The following ICAM1 variants were observed in gnomAD, a reference collection of about 807,000 sequenced individuals.
ICAM1 encodes the protein ICAM-1.
Under a neutral mutation model 42.3 loss-of-function variants are expected in ICAM1, and 28 were observed. The ratio of observed to expected loss-of-function variants is 0.66; its 90% CI spans 0.49 to 0.91. The LOEUF (loss-of-function observed/expected upper bound fraction) is 0.91, where lower values mean the gene tolerates loss of function less well. Among genes scored for constraint, ICAM1 ranks in the 40% least tolerant of loss-of-function variants. The pLI is 0.00. For synonymous variants in ICAM1, 304 were observed against 305.9 expected (o/e 0.99, Z 0.07); for missense variants, 637 against 688.6 (o/e 0.93, Z 0.84).
rs781639267 is a variant in ICAM1 at position 10,285,316 on chromosome 19, G to A, written c.*29G>A. 13 of 1,605,140 alleles carry A rather than the reference G, an allele frequency of 8.1e-6. No homozygotes were observed. Among genetic ancestry groups the A allele is most frequent in the East Asian group, 4.5e-5 (2 of 44,742 alleles). On this transcript the variant is annotated 3_prime_UTR_variant, in exon 7 of 7. Coordinates refer to ENST00000264832, the MANE Select transcript of ICAM1 (RefSeq NM_000201.3). The stretch of plus-strand genomic sequence containing the variant: ...TATCCCGGGACAGGGCCTCTTCCTC[G>A]GCCTTCCCATATTGGTGGCAGTGGT...
chr19:10,284,343 T>G lies in ICAM1; in HGVS notation c.925+23T>G. 1 of 1,609,738 alleles carries G rather than the reference T, an allele frequency of 6.2e-7. No individual in the cohort carries two copies. Among genetic ancestry groups the G allele is most frequent in the Non-Finnish European group, 8.5e-7 (1 of 1,178,536 alleles). On this transcript the variant is annotated intron_variant, in intron 4 of 6. Coordinates refer to ENST00000264832, the MANE Select transcript of ICAM1 (RefSeq NM_000201.3). The surrounding 1 kb of genome is among the most constrained non-coding windows in gnomAD (Gnocchi z 5.4). ...ACAGTAAGAAGGGGCAGGGGCGGAG[T>G]GGGGCTTCTTGGGGGTGTGACCTGA...
intron 1 of ICAM1, among the ~76,000 whole-genome samples, chr19:10,272,560 C>CTTTTTTTTTTTT (rs1174775027): frequency 3.0e-4 from 17 of 56,132 alleles, no homozygotes; most frequent in African/African-American, 8.8e-4. Flanking sequence ...CTTTTCTTTT[C>CTTTTTTTTTTTT]TTTTTTTTTT....
chr19:10,277,765 C>T (rs934744794), intron 2 of ICAM1, among the ~76,000 whole-genome samples: 1 of 152,210 alleles, frequency 6.6e-6, no homozygotes, highest in African/African-American at 2.4e-5. Context: ...GGATTACAGG[C>T]GTGAGCCACT....
chr19:10,283,674 G>A lies in ICAM1; in HGVS notation c.525G>A (p.Val175=). The A allele has an allele frequency of 2.5e-6, 4 of 1,613,988 alleles. No homozygotes were observed. Among genetic ancestry groups the A allele is most frequent in the Non-Finnish European group, 3.4e-6 (4 of 1,179,950 alleles). The change falls in exon 3 of 7, where the codon GTG becomes GTA. Residue 175 remains valine, a synonymous_variant. Coordinates refer to ENST00000264832, the MANE Select transcript of ICAM1 (RefSeq NM_000201.3). ...EPAEVTTTVL[V]RRDHHGANFS... is the part of the protein sequence containing the mutation. ...CTGAGGTCACGACCACGGTGCTGGT[G>A]AGGAGAGATCACCATGGAGCCAATT... is the stretch of plus-strand genomic sequence containing the variant.
rs954891297 is a variant in ICAM1 at position 10,271,204 on chromosome 19, C to A, written c.45C>A (p.Val15=). Reference sequence around the variant, plus strand: ...GGCCCGCGCTGCCCGCACTCCTGGTCCTGCTCGGGGCTCTGTTCCCAGGTG... The same window carrying A: ...GGCCCGCGCTGCCCGCACTCCTGGTACTGCTCGGGGCTCTGTTCCCAGGTG... ...SPRPALPALL[V]LLGALFPGPG... Residue 15 remains valine, a synonymous_variant, in exon 1 of 7, where the codon GTC becomes GTA. Transcript: ENST00000264832. 2 of 1,613,434 alleles carry A rather than the reference C, an allele frequency of 1.2e-6. No homozygotes were observed. Among genetic ancestry groups the A allele is most frequent in the African/African-American group, 2.7e-5 (2 of 75,054 alleles).
At position 10,284,092 on chromosome 19, in the gene ICAM1, G is replaced by A. The variant is rs755002696; in HGVS notation, c.697G>A (p.Gly233Arg). Reference sequence around the variant, plus strand: ...CCGGGTCCTAGAGGTGGACACGCAGGGGACCGTGGTCTGTTCCCTGGACGG... The same window carrying A: ...CCGGGTCCTAGAGGTGGACACGCAGAGGACCGTGGTCTGTTCCCTGGACGG... ...SPRVLEVDTQ[G>R]TVVCSLDGLF... The change falls in exon 4 of 7, where the codon GGG becomes AGG. Residue 233 changes from glycine to arginine, a missense_variant. Physicochemically the swap from Gly to Arg is moderately radical, Grantham distance 125. Transcript: ENST00000264832. The surrounding 1 kb of genome is among the most constrained non-coding windows in gnomAD (Gnocchi z 5.4). 2 of 1,614,036 alleles carry A rather than the reference G, an allele frequency of 1.2e-6. No homozygotes were observed. Among genetic ancestry groups the A allele is most frequent in the South Asian group, 1.1e-5 (1 of 91,078 alleles).
intron 2 of ICAM1, among the ~76,000 whole-genome samples, chr19:10,279,824 C>T (rs773946339): frequency 6.6e-6 from 1 of 151,404 alleles, no homozygotes. Context: ...ATGATTGCAC[C>T]ACTGCATTCC....
intron 2 of ICAM1, among the ~76,000 whole-genome samples, chr19:10,276,397 T>C (rs1014627504): frequency 3.3e-5 from 5 of 149,864 alleles, no homozygotes; most frequent in Non-Finnish European, 5.9e-5. Context: ...TACAAAAAAT[T>C]AGCCGGGCAT....
chr19:10,281,706 C>A (rs1041113545), intron 2 of ICAM1, among the ~76,000 whole-genome samples: 1 of 149,658 alleles, frequency 6.7e-6, no homozygotes, highest in African/African-American at 2.5e-5. Flanking sequence ...ATGCAGGACC[C>A]CCCCGGTCCT....
intron 2 of ICAM1, among the ~76,000 whole-genome samples, chr19:10,279,457 A>C (rs2040040295): frequency 6.6e-6 from 1 of 152,052 alleles, no homozygotes; most frequent in Non-Finnish European, 1.5e-5. Flanking sequence ...TGGGAGGATC[A>C]CTTGAACCCA....
chr19:10,280,718 C>T (rs1599268150), intron 2 of ICAM1, among the ~76,000 whole-genome samples: 1 of 151,812 alleles, frequency 6.6e-6, no homozygotes, highest in Non-Finnish European at 1.5e-5. Flanking sequence ...TACAGGCATG[C>T]GACACCACAC....
At position 10,271,204 on chromosome 19, in the gene ICAM1, C is replaced by T. The variant is rs954891297; in HGVS notation, c.45C>T (p.Val15=). 2.5e-6 allele frequency: 4 copies of T among 1,613,316 alleles called. No homozygotes were observed. The highest frequency in any genetic ancestry group is 3.4e-6 in the Non-Finnish European group (4 of 1,179,868). The change falls in exon 1 of 7, where the codon GTC becomes GTT. Residue 15 remains valine, a synonymous_variant. Transcript: ENST00000264832. ...GGCCCGCGCTGCCCGCACTCCTGGTCCTGCTCGGGGCTCTGTTCCCAGGTG... is the reference window on the plus strand; with the variant it reads ...GGCCCGCGCTGCCCGCACTCCTGGTTCTGCTCGGGGCTCTGTTCCCAGGTG... The part of the protein sequence containing the change: ...SPRPALPALL[V]LLGALFPGPG...
intron 2 of ICAM1, among the ~76,000 whole-genome samples, chr19:10,281,153 G>A (rs77924689): frequency 7.9e-5 from 12 of 151,636 alleles, no homozygotes; most frequent in East Asian, 1.9e-4. Flanking sequence ...GATTACAGGC[G>A]TGAGCCACCA....
At chr19:10,279,609 G>A (rs561133239) in intron 2 of ICAM1, among the ~76,000 whole-genome samples, 7 of 151,912 alleles carry the variant, frequency 4.6e-5, no homozygotes, top group Admixed American at 2.6e-4. Flanking sequence ...TGAGCCTCCC[G>A]AGTTGCTGGG....
chr19:10,272,560 CTTTTTTTT>C (rs1174775027), intron 1 of ICAM1, among the ~76,000 whole-genome samples: 4 of 56,132 alleles, frequency 7.1e-5, no homozygotes. Context: ...CTTTTCTTTT[CTTTTTTTT>C]TTTTTTTTTT....
At chr19:10,272,093 C>T (rs1407423209) in intron 1 of ICAM1, among the ~76,000 whole-genome samples, 2 of 152,160 alleles carry the variant, frequency 1.3e-5, no homozygotes, top group African/African-American at 4.8e-5. Context: ...TGAGACCAGC[C>T]TGGCCAACAT....
chr19:10,286,546 TC>T lies in ICAM1; in HGVS notation c.*1261del, dbSNP rs34295061. 2.2e-3 allele frequency: 349 copies of T among 157,382 alleles called. 2 individuals are homozygous for T. Among genetic ancestry groups the T allele is most frequent in the Middle Eastern group, 6.1e-3 (2 of 326 alleles). The allele number at this position is 157,382 out of a possible 1,614,324, so 9.7% of individuals were successfully genotyped here. A position where few individuals can be genotyped will look rare whatever the true frequency, so the allele number is the denominator to read the frequency against. On this transcript the variant is annotated 3_prime_UTR_variant, in exon 7 of 7. Coordinates refer to ENST00000264832, the MANE Select transcript of ICAM1 (RefSeq NM_000201.3). ...TGGCAAATTTGATTTTTTTTTTTTTTCCAGAGACGGGGTCTCGCAACATTGC... is the reference window on the plus strand; with the variant it reads ...TGGCAAATTTGATTTTTTTTTTTTTTCAGAGACGGGGTCTCGCAACATTGC...
At position 10,284,013 on chromosome 19, in the gene ICAM1, C is replaced by T. The variant is rs2040082500; in HGVS notation, c.638-20C>T. ...CGGGACGTCCATCCCTGTCTGCTCA[C>T]ACCTTTCTTCTCTCCCTAGTCCTGC... On this transcript the variant is annotated intron_variant, in intron 3 of 6. Coordinates refer to ENST00000264832, the MANE Select transcript of ICAM1 (RefSeq NM_000201.3). This position sits in a 1 kb window ranked among gnomAD's most constrained non-coding sequence, Gnocchi z 5.4. 10 of 1,605,632 alleles carry T rather than the reference C, an allele frequency of 6.2e-6. No individual in the cohort carries two copies. The highest frequency in any genetic ancestry group is 8.5e-6 in the Non-Finnish European group (10 of 1,174,120).
chr19:10,272,560 C>CTTTTTTTTTTTTTTTTTTTTTTTT (rs1174775027), intron 1 of ICAM1, among the ~76,000 whole-genome samples: 1 of 56,132 alleles, frequency 1.8e-5, no homozygotes, highest in African/African-American at 5.5e-5. Context: ...CTTTTCTTTT[C>CTTTTTTTTTTTTTTTTTTTTTTTT]TTTTTTTTTT....
Sources: allele counts gnomAD v4.1 joint callset (sites outside exome capture counted in the v4.1 genomes callset), GRCh38; gene constraint gnomAD v4.1.1; non-coding constraint Gnocchi (gnomAD v3.1); transcripts MANE v1.5; gene names NCBI Gene and HGNC (gene_info 2026-07-23, HGNC 2026-07-21).